SOX6: variants seen among roughly 807,000 people sequenced by gnomAD.
The protein encoded by SOX6 is SRY-box transcription factor 6.
SOX6 carries 11 observed loss-of-function variants against 97.8 expected under a neutral mutation model. The observed-to-expected ratio is 0.11, with a 90% confidence interval of 0.07 to 0.19. SOX6 has a LOEUF of 0.19. SOX6 is among the 10% of genes least tolerant of loss of function. The pLI is 1.00. For synonymous variants in SOX6, 360 were observed against 371.4 expected, an observed-to-expected ratio of 0.97 and a Z score of 0.35; for missense variants, 810 against 1,039.5, an observed-to-expected ratio of 0.78 and a Z score of 3.04.
At position 16,349,699 on chromosome 11, in the gene SOX6, AGGAAGGAAGGAAGGAAGAAGGAAG is replaced by A. The variant is rs1351820166; in HGVS notation, c.-5+6371_-5+6394del. On this transcript the variant is annotated intron_variant, in intron 1 of 15. Transcript: ENST00000683767. Reference sequence around the variant, plus strand: ...GAGGAAGGAAGGAAGGAAGGAAGGAAGGAAGGAAGGAAGGAAGAAGGAAGGAAGGAAGGAAGGAAGGAAGGAAGG... The same window carrying A: ...GAGGAAGGAAGGAAGGAAGGAAGGAAGAAGGAAGGAAGGAAGGAAGGAAGG... Among the ~76,000 whole-genome samples the A allele has an allele frequency of 1.5e-3, 109 of 73,544 alleles. 2 individuals are homozygous for A. Among genetic ancestry groups the A allele is most frequent in the South Asian group, 3.2e-3 (5 of 1,574 alleles). The allele number at this position is 73,544 out of a possible 152,430, so 48.2% of individuals were successfully genotyped here. A position where few individuals can be genotyped will look rare whatever the true frequency, so the allele number is the denominator to read the frequency against.
intron 3 of SOX6, among the ~76,000 whole-genome samples, chr11:16,287,464 C>T (rs1854788259): frequency 6.6e-6 from 1 of 151,914 alleles, no homozygotes; most frequent in South Asian, 2.1e-4. Flanking sequence ...CTCAAAGGGC[C>T]CCATTAAACT....
Position 16,170,000 on chromosome 11 carries a change from G to A in SOX6, c.777+13886C>T, listed in dbSNP as rs185508412. On this transcript the variant is annotated intron_variant, in intron 6 of 15. Coordinates refer to ENST00000683767, the MANE Select transcript of SOX6 (RefSeq NM_001367873.1). Reference sequence around the variant, plus strand: ...AAAATAAAATAGTTGCTAAGCCATCGTGAGTAATTAGCCTTTTAGCATCCC... The same window carrying A: ...AAAATAAAATAGTTGCTAAGCCATCATGAGTAATTAGCCTTTTAGCATCCC... Among the ~76,000 whole-genome samples, 91 of 151,846 alleles carry A rather than the reference G, an allele frequency of 6.0e-4. 1 individual carries two copies. Among genetic ancestry groups the A allele is most frequent in the Middle Eastern group, 3.4e-3 (1 of 294 alleles).
At chr11:16,606,345 A>G (rs1848333948) in intron 4 of SOX6, among the ~76,000 whole-genome samples, 1 of 151,990 alleles carries the variant, frequency 6.6e-6, no homozygotes, top group Non-Finnish European at 1.5e-5. Context: ...CGGCGGTAAC[A>G]AGAGATACAG....
intron 6 of SOX6, among the ~76,000 whole-genome samples, chr11:16,177,407 T>C (rs538981141): frequency 3.9e-5 from 6 of 151,976 alleles, no homozygotes; most frequent in Non-Finnish European, 5.9e-5. Flanking sequence ...CATATCCAAG[T>C]ACCTAATTAC....
chr11:16,653,314 G>A (rs1847680197), intron 3 of SOX6, among the ~76,000 whole-genome samples: 1 of 152,014 alleles, frequency 6.6e-6, no homozygotes, highest in Non-Finnish European at 1.5e-5. Flanking sequence ...AGACACTTGC[G>A]AGCACATTTA....
intron 4 of SOX6, among the ~76,000 whole-genome samples, chr11:16,554,687 C>T (rs1250786320): frequency 6.6e-6 from 1 of 152,064 alleles, no homozygotes; most frequent in Non-Finnish European, 1.5e-5. Context: ...CAGTCATAAA[C>T]ATATTAAGTT....
At chr11:16,426,690 G>A (rs191778419) in intron 1 of SOX6, among the ~76,000 whole-genome samples, 2,426 of 151,770 alleles carry the variant, frequency 0.016, 23 homozygotes, top group Non-Finnish European at 0.023. Context: ...CGAGGCGGGC[G>A]GATCACGAGG....
intron 6 of SOX6, among the ~76,000 whole-genome samples, chr11:16,160,388 G>A (rs1850717076): frequency 6.6e-6 from 1 of 152,202 alleles, no homozygotes; most frequent in Non-Finnish European, 1.5e-5. Context: ...TACAGGAGCT[G>A]ACAGATGGAA....
At chr11:16,075,565 C>G (rs1448071924) in intron 9 of SOX6, among the ~76,000 whole-genome samples, 1 of 152,042 alleles carries the variant, frequency 6.6e-6, no homozygotes, top group Non-Finnish European at 1.5e-5. Flanking sequence ...GACAGAAAAC[C>G]AAACACCACA....
intron 1 of SOX6, among the ~76,000 whole-genome samples, chr11:16,453,711 A>C (rs1859761223): frequency 6.6e-6 from 1 of 152,142 alleles, no homozygotes; most frequent in East Asian, 1.9e-4. Flanking sequence ...TAAAAATGAC[A>C]AACAGTGCCT....
intron 3 of SOX6, among the ~76,000 whole-genome samples, chr11:16,705,835 A>G (rs1303361026): frequency 1.3e-5 from 2 of 152,210 alleles, no homozygotes; most frequent in Non-Finnish European, 2.9e-5. Flanking sequence ...AATAACCAAA[A>G]TATATTTTAG....
chr11:16,674,316 T>G (rs1847869964), intron 3 of SOX6, among the ~76,000 whole-genome samples: 4 of 152,100 alleles, frequency 2.6e-5, no homozygotes, highest in Admixed American at 6.6e-5. Flanking sequence ...TTATTTCAAG[T>G]AATGCCGAAA....
At chr11:16,344,827 TAA>T (rs894965107) in intron 1 of SOX6, among the ~76,000 whole-genome samples, 16 of 151,534 alleles carry the variant, frequency 1.1e-4, no homozygotes, top group South Asian at 8.3e-4. Context: ...TAATTTGTAT[TAA>T]AAAAAAATCT....
intron 12 of SOX6, among the ~76,000 whole-genome samples, chr11:16,024,329 A>G (rs1013844958): frequency 6.6e-6 from 1 of 152,120 alleles, no homozygotes; most frequent in Admixed American, 6.6e-5. Flanking sequence ...ACCCTGGCCA[A>G]CTAATACAAT....
intron 4 of SOX6, among the ~76,000 whole-genome samples, chr11:16,505,588 G>T (rs1860772393): frequency 6.6e-6 from 1 of 152,212 alleles, no homozygotes; most frequent in Admixed American, 6.5e-5. Flanking sequence ...ATTTGCATAA[G>T]TTAAGAGGAT....
At chr11:16,394,288 T>A (rs1858277691) in intron 1 of SOX6, among the ~76,000 whole-genome samples, 1 of 151,942 alleles carries the variant, frequency 6.6e-6, no homozygotes, top group South Asian at 2.1e-4. Context: ...CACTTGAAAG[T>A]ATACCATGTA....
At chr11:15,980,203 ATTAGAACCAAT>A (rs1487319547) in intron 15 of SOX6, among the ~76,000 whole-genome samples, 4 of 152,090 alleles carry the variant, frequency 2.6e-5, no homozygotes, top group Non-Finnish European at 5.9e-5. Flanking sequence ...AAAGAAGAAG[ATTAGAACCAAT>A]CTGCAAAGTA....
At chr11:15,977,890 A>G (rs1019188836) in intron 15 of SOX6, among the ~76,000 whole-genome samples, 10 of 151,904 alleles carry the variant, frequency 6.6e-5, no homozygotes, top group African/African-American at 2.2e-4. Flanking sequence ...TTTCTATTTC[A>G]TGGAGAAATT....
intron 9 of SOX6, among the ~76,000 whole-genome samples, chr11:16,087,820 T>C (rs1190157458): frequency 6.6e-6 from 1 of 152,194 alleles, no homozygotes; most frequent in African/African-American, 2.4e-5. Context: ...GCAGGGACTT[T>C]GTTTTATTCA....
Sources: gnomAD v4.1 joint callset for allele counts (sites outside exome capture counted in the v4.1 genomes callset) on GRCh38, gnomAD v4.1.1 for gene constraint, MANE v1.5 for transcripts, NCBI Gene and HGNC (gene_info 2026-07-23, HGNC 2026-07-21) for gene names.